ZFYVE16: variants seen among roughly 807,000 people sequenced by gnomAD.
The protein encoded by ZFYVE16 is zinc finger FYVE domain-containing protein 16.
In ZFYVE16, 89 loss-of-function variants were observed where a neutral mutation model predicts 138.1. The observed-to-expected ratio is 0.64, with a 90% CI of 0.54 to 0.77. The LOEUF is 0.77. Ranked by LOEUF, ZFYVE16 falls within the 30% of genes least tolerant of loss-of-function variation. ZFYVE16 has a pLI of 0.00. For synonymous variants in ZFYVE16, 596 were observed against 618.3 expected (o/e 0.96, Z 0.53); for missense variants, 1,793 against 1,786.7 (o/e 1.00, Z -0.06).
At chr5:80,463,985 A>C (rs1342602552) in intron 15 of ZFYVE16, among the ~76,000 whole-genome samples, 1 of 152,178 alleles carries the variant, frequency 6.6e-6, no homozygotes, top group Non-Finnish European at 1.5e-5. Context: ...TTCATTGTCC[A>C]TATCACTATC....
chr5:80,464,154 ACT>A (rs1753435133), intron 15 of ZFYVE16, among the ~76,000 whole-genome samples: 1 of 151,464 alleles, frequency 6.6e-6, no homozygotes, highest in Non-Finnish European at 1.5e-5. Context: ...GCAACACCCC[ACT>A]CTCTGGGGTG....
At chr5:80,417,041 A>T (rs1396045679) in intron 1 of ZFYVE16, among the ~76,000 whole-genome samples, 1 of 152,214 alleles carries the variant, frequency 6.6e-6, no homozygotes, top group Non-Finnish European at 1.5e-5. Flanking sequence ...CATATAGATT[A>T]TTTTATCTTC....
chr5:80,431,354 T>C (rs1748991344), intron 2 of ZFYVE16, among the ~76,000 whole-genome samples: 1 of 152,212 alleles, frequency 6.6e-6, no homozygotes. Context: ...ATTATCTCAA[T>C]AGATGCAGAA....
chr5:80,432,918 C>T (rs1749291871), intron 2 of ZFYVE16, among the ~76,000 whole-genome samples: 1 of 152,158 alleles, frequency 6.6e-6, no homozygotes, highest in African/African-American at 2.4e-5. Flanking sequence ...GTTAGAATGG[C>T]GATCCTTAAA....
intron 11 of ZFYVE16, chr5:80,454,409 C>T (rs527669038): frequency 1.4e-4 from 21 of 152,242 alleles, no homozygotes; most frequent in African/African-American, 4.3e-4. Context: ...TTTTGGTGTC[C>T]AGAATTTATG....
At chr5:80,434,251 A>T in intron 3 of ZFYVE16, 34 bp downstream of exon 3, 1 of 1,604,202 alleles carries the variant, frequency 6.2e-7, no homozygotes, top group Non-Finnish European at 8.5e-7. Context: ...CGCTAATGGG[A>T]TTTAAAAATA....
At chr5:80,470,092 T>G (rs1754178547) in intron 15 of ZFYVE16, among the ~76,000 whole-genome samples, 1 of 61,520 alleles carries the variant, frequency 1.6e-5, no homozygotes, top group Admixed American at 2.4e-4. Context: ...TGTGTGTGTG[T>G]GTGTGTGTAT....
intron 17 of ZFYVE16, among the ~76,000 whole-genome samples, 154 bp from the exon 18 acceptor site, chr5:80,474,509 C>T (rs1399926131): frequency 6.6e-6 from 1 of 152,124 alleles, no homozygotes; most frequent in Non-Finnish European, 1.5e-5. Flanking sequence ...TATGTTTTTA[C>T]TTATAGTACA....
At chr5:80,426,449 C>A (rs1408191359) in intron 1 of ZFYVE16, among the ~76,000 whole-genome samples, 1 of 150,618 alleles carries the variant, frequency 6.6e-6, no homozygotes, top group African/African-American at 2.4e-5. Flanking sequence ...CTCACCACCA[C>A]CCCCCCACCC....
At chr5:80,435,742 A>AATGTGTAT in intron 3 of ZFYVE16, 1 of 440,246 alleles carries the variant, frequency 2.3e-6, no homozygotes, top group Non-Finnish European at 4.5e-6. Flanking sequence ...CTAATTTAAA[A>AATGTGTAT]ATGTGTATAT....
At chr5:80,433,595 GTATATAAAAAAAACTCCAGAGAAGTT>G (rs1408064726) in intron 2 of ZFYVE16, among the ~76,000 whole-genome samples, 3 of 151,146 alleles carry the variant, frequency 2.0e-5, no homozygotes, top group African/African-American at 7.3e-5. Flanking sequence ...AATATAAAAA[GTATATAAAAAAAACTCCAGAGAAGTT>G]TATAGAAAGA....
At position 80,471,574 on chromosome 5, in the gene ZFYVE16, C is replaced by CTGG. The variant is rs1580366336; in HGVS notation, c.4025-1187_4025-1186insTGG. ...ATAAATGCTGGTATATCCAGTGCAT[C>CTGG]GTTGGCACCACGGGACCAGAAGGCG... On this transcript the variant is annotated intron_variant, in intron 15 of 18. Transcript: ENST00000505560. 9.2e-5 allele frequency among the ~76,000 whole-genome samples: 14 copies of CTGG among 152,276 alleles called. No individual in the cohort carries two copies. The East Asian group carries it at 2.7e-3, about 29-fold the overall frequency.
At chr5:80,446,410 ATT>A (rs1421689581) in intron 7 of ZFYVE16, among the ~76,000 whole-genome samples, 1 of 152,164 alleles carries the variant, frequency 6.6e-6, no homozygotes, top group Non-Finnish European at 1.5e-5. Flanking sequence ...CAGAAATAAT[ATT>A]TTATGAAAAA....
chr5:80,450,048 C>G (rs775131267), intron 9 of ZFYVE16, among the ~76,000 whole-genome samples: 2 of 151,998 alleles, frequency 1.3e-5, no homozygotes, highest in African/African-American at 2.4e-5. Flanking sequence ...AAGCAGGAAC[C>G]CTGATTTAGT....
intron 1 of ZFYVE16, among the ~76,000 whole-genome samples, chr5:80,414,361 AT>A (rs1419741356): frequency 6.6e-6 from 1 of 151,818 alleles, no homozygotes; most frequent in Non-Finnish European, 1.5e-5. Context: ...TCATCTGTGA[AT>A]TGCATTTGTC....
At chr5:80,449,820 T>C in intron 9 of ZFYVE16, 107 bp downstream of exon 9, 1 of 1,274,666 alleles carries the variant, frequency 7.8e-7, no homozygotes, top group African/African-American at 1.5e-5. Context: ...TAAGCAGGAT[T>C]GGATATTGGT....
chr5:80,419,625 C>A lies in ZFYVE16; in HGVS notation c.-93-7867C>A, dbSNP rs150068534. On this transcript the variant is annotated intron_variant, in intron 1 of 18. Transcript: ENST00000505560. Reference sequence around the variant, plus strand: ...AACTCTTGACCTCATGATCCGCCTACCTCAGCCTCCCAGAGTGCTGGGATT... The same window carrying A: ...AACTCTTGACCTCATGATCCGCCTAACTCAGCCTCCCAGAGTGCTGGGATT... Among the ~76,000 whole-genome samples, 800 of 152,216 alleles carry A rather than the reference C, an allele frequency of 5.3e-3. 6 individuals are homozygous for A. The highest frequency in any genetic ancestry group is 0.018 in the African/African-American group (738 of 41,520).
chr5:80,460,295 C>T (rs530215474), intron 15 of ZFYVE16, among the ~76,000 whole-genome samples: 2 of 152,110 alleles, frequency 1.3e-5, no homozygotes, highest in African/African-American at 4.8e-5. Flanking sequence ...AAATGTCTGC[C>T]CATATCTTTT....
In ZFYVE16 at chr5:80,456,549, G is replaced by T; in HGVS notation, c.3779G>T (p.Arg1260Leu). ...GGAAAAAGCTGCATAAAAATACCACGGAAAAAGTACAGTGATGTAAGTATA... is the reference window on the plus strand; with the variant it reads ...GGAAAAAGCTGCATAAAAATACCACTGAAAAAGTACAGTGATGTAAGTATA... Reference protein sequence around the residue: ...EMGKSCIKIPRKKYSDVMKVL... With the variant: ...EMGKSCIKIPLKKYSDVMKVL... The change falls in exon 13 of 19, where the codon CGG (arginine) becomes CTG (leucine). Residue 1260 changes from arginine to leucine, a missense_variant. Around this residue, in one of 2 missense-constraint regions of ZFYVE16, gnomAD observed 498 missense variants for 582.4 expected, o/e 0.86. Transcript: ENST00000505560. 1 of 1,610,472 alleles carries T rather than the reference G, an allele frequency of 6.2e-7. No homozygotes were observed. Among genetic ancestry groups the T allele is most frequent in the South Asian group, 1.1e-5 (1 of 90,906 alleles).
Sources: allele counts gnomAD v4.1 joint callset (sites outside exome capture counted in the v4.1 genomes callset), GRCh38; gene constraint gnomAD v4.1.1; regional missense constraint gnomAD v4.1.1; transcripts MANE v1.5; gene names NCBI Gene and HGNC (gene_info 2026-07-23, HGNC 2026-07-21).